RALGPS2: variants seen among roughly 807,000 people sequenced by gnomAD.
The protein encoded by RALGPS2 is ras-specific guanine nucleotide-releasing factor RalGPS2.
RALGPS2 carries 43 observed loss-of-function variants against 86.8 expected under a neutral mutation model. That is an observed-to-expected ratio of 0.50 (90% confidence interval 0.39 to 0.64). The LOEUF (loss-of-function observed/expected upper bound fraction) is 0.64. Ranked by LOEUF, RALGPS2 falls within the 30% of genes least tolerant of loss-of-function variation. The pLI, the probability that RALGPS2 is intolerant of heterozygous loss-of-function variation, is 0.00. For missense variants in RALGPS2, 536 were observed against 694.6 expected, an observed-to-expected ratio of 0.77 and a Z score of 2.57; for synonymous variants, 243 against 231.3, an observed-to-expected ratio of 1.05 and a Z score of -0.46.
At chr1:178,864,604 C>T (rs1313360415) in intron 8 of RALGPS2, among the ~76,000 whole-genome samples, 2 of 152,032 alleles carry the variant, frequency 1.3e-5, no homozygotes, top group African/African-American at 2.4e-5. Context: ...CGGGTAGCAG[C>T]GACGACCTAG....
At chr1:178,897,905 T>A in intron 17 of RALGPS2, 149 bp downstream of exon 17, 1 of 595,430 alleles carries the variant, frequency 1.7e-6, no homozygotes, top group Admixed American at 3.0e-5. Flanking sequence ...TTATTTCTTT[T>A]TTAAATACCA....
chr1:178,838,340 A>G lies in RALGPS2; in HGVS notation c.607+4790A>G, dbSNP rs577939127. 3.3e-5 allele frequency among the ~76,000 whole-genome samples: 5 copies of G among 152,324 alleles called. No homozygotes were observed. The South Asian group carries it at 6.2e-4, about 19-fold the overall frequency. ...CTGAGACGAAGCTTCTAGAGGAACA[A>G]TCAGGCAGCAACATTTGCTGTTCAG... On this transcript the variant is annotated intron_variant, in intron 8 of 19. Transcript: ENST00000367635.
intron 19 of RALGPS2, among the ~76,000 whole-genome samples, chr1:178,907,600 A>G (rs1660441242): frequency 6.6e-6 from 1 of 152,222 alleles, no homozygotes; most frequent in African/African-American, 2.4e-5. Flanking sequence ...AGATTGGTAG[A>G]GCAGACATAA....
chr1:178,862,171 C>T (rs111693109), intron 8 of RALGPS2, among the ~76,000 whole-genome samples: 6 of 151,904 alleles, frequency 3.9e-5, no homozygotes, highest in Admixed American at 6.6e-5. Context: ...CCATGCCCGG[C>T]GAGGATATTA....
At chr1:178,853,291 C>G (rs1228068713) in intron 8 of RALGPS2, 1 of 872,950 alleles carries the variant, frequency 1.1e-6, no homozygotes, top group Non-Finnish European at 1.4e-6. Context: ...CCTGGTCTCT[C>G]TCATATTCAT....
chr1:178,816,883 A>G (rs2102214760), intron 6 of RALGPS2, among the ~76,000 whole-genome samples: 1 of 151,550 alleles, frequency 6.6e-6, no homozygotes, highest in South Asian at 2.1e-4. Flanking sequence ...TAATTTTTGT[A>G]TTTTTAGTAG....
chr1:178,808,251 A>G (rs1234459043), intron 5 of RALGPS2, 123 bp downstream of exon 5: 2 of 700,708 alleles, frequency 2.9e-6, no homozygotes, highest in Non-Finnish European at 4.9e-6. Context: ...TCTCTCAAGT[A>G]TTGTCTCTGT....
At chr1:178,899,653 G>GTTTTTTTTTTTTTTTTTTTTTTTTTT (rs57623890) in intron 17 of RALGPS2, among the ~76,000 whole-genome samples, 1 of 140,558 alleles carries the variant, frequency 7.1e-6, no homozygotes, top group African/African-American at 2.6e-5. Flanking sequence ...TTTGGTTTTG[G>GTTTTTTTTTTTTTTTTTTTTTTTTTT]TTTTTTTTTT....
At chr1:178,833,003 A>T (rs1354801713) in intron 7 of RALGPS2, among the ~76,000 whole-genome samples, 1 of 152,086 alleles carries the variant, frequency 6.6e-6, no homozygotes, top group South Asian at 2.1e-4. Context: ...AAAAAGTGTT[A>T]ATCGCAAAAT....
intron 13 of RALGPS2, among the ~76,000 whole-genome samples, chr1:178,889,126 A>G (rs1168408915): frequency 6.6e-6 from 1 of 151,826 alleles, no homozygotes; most frequent in Non-Finnish European, 1.5e-5. Context: ...AAATTGTTGC[A>G]TTTTTATAGC....
intron 11 of RALGPS2, among the ~76,000 whole-genome samples, 167 bp from the exon 12 acceptor site, chr1:178,884,909 G>T (rs984407436): frequency 6.6e-6 from 1 of 152,088 alleles, no homozygotes; most frequent in Non-Finnish European, 1.5e-5. Context: ...ATTTTGTATG[G>T]TTTGGGATTT....
At chr1:178,817,738 A>G (rs6695301) in intron 6 of RALGPS2, among the ~76,000 whole-genome samples, 1,680 of 152,332 alleles carry the variant, frequency 0.011, 26 homozygotes, top group African/African-American at 0.038. Flanking sequence ...AAGACTTTCA[A>G]TCCACAAACA....
At chr1:178,750,705 T>C (rs1651603067) in intron 1 of RALGPS2, among the ~76,000 whole-genome samples, 2 of 152,248 alleles carry the variant, frequency 1.3e-5, no homozygotes. Flanking sequence ...TGCAGTAGGA[T>C]AATAACCTTC....
intron 16 of RALGPS2, among the ~76,000 whole-genome samples, chr1:178,895,187 A>G (rs780823327): frequency 2.0e-5 from 3 of 152,026 alleles, no homozygotes; most frequent in Non-Finnish European, 4.4e-5. Flanking sequence ...CCCTTTCTCA[A>G]ATTTGAAATA....
At chr1:178,780,939 AT>A (rs1429828819) in intron 2 of RALGPS2, among the ~76,000 whole-genome samples, 1 of 151,836 alleles carries the variant, frequency 6.6e-6, no homozygotes, top group Non-Finnish European at 1.5e-5. Context: ...CAACCATAAG[AT>A]TATGTTTATA....
intron 1 of RALGPS2, chr1:178,747,051 C>T: frequency 1.1e-6 from 1 of 873,952 alleles, no homozygotes; most frequent in Non-Finnish European, 2.0e-6. Context: ...ATGAGAATCT[C>T]AGTTGATCTG....
At position 178,917,485 on chromosome 1, in the gene RALGPS2, A is replaced by G. The variant is rs956121563; in HGVS notation, c.*1126A>G. The G allele has an allele frequency of 1.3e-5, 2 of 152,170 alleles. No homozygotes were observed. The highest frequency in any genetic ancestry group is 6.5e-5 in the Admixed American group (1 of 15,276). The allele number at this position is 152,170 out of a possible 1,614,324, so 9.4% of individuals were successfully genotyped here. A position where few individuals can be genotyped will look rare whatever the true frequency, so the allele number is the denominator to read the frequency against. ...ATGTATGTATATATTTTGTTATAAG[A>G]CATACAAAATAATTTTAAGAGGGAT... On this transcript the variant is annotated 3_prime_UTR_variant, in exon 20 of 20. Coordinates refer to ENST00000367635, the MANE Select transcript of RALGPS2 (RefSeq NM_152663.5).
intron 1 of RALGPS2, among the ~76,000 whole-genome samples, chr1:178,775,665 G>C (rs1572318686): frequency 6.6e-6 from 1 of 152,196 alleles, no homozygotes; most frequent in African/African-American, 2.4e-5. Context: ...AATTTTGATG[G>C]CTTGAAACTT....
At chr1:178,900,964 G>C (rs1660147534) in intron 17 of RALGPS2, among the ~76,000 whole-genome samples, 2 of 152,046 alleles carry the variant, frequency 1.3e-5, no homozygotes, top group South Asian at 4.1e-4. Context: ...AAGAATATTA[G>C]AAGATCATAG....
Sources: allele counts gnomAD v4.1 joint callset (sites outside exome capture counted in the v4.1 genomes callset), GRCh38; gene constraint gnomAD v4.1.1; transcripts MANE v1.5; gene names NCBI Gene and HGNC (gene_info 2026-07-23, HGNC 2026-07-21).